CDK15: variants seen among roughly 807,000 people sequenced by gnomAD.
CDK15 encodes cyclin dependent kinase 15, also known as cyclin-dependent kinase 15.
CDK15 carries 62 observed loss-of-function variants against 60.3 expected under a neutral mutation model. The observed-to-expected ratio is 1.03, with a 90% CI of 0.84 to 1.27. The LOEUF (loss-of-function observed/expected upper bound fraction) is 1.27. Ranked by LOEUF, CDK15 falls within the 50% of genes most tolerant of loss-of-function variation. The pLI is 0.00. For missense variants in CDK15, 541 were observed against 527.8 expected (o/e 1.03, Z -0.25); for synonymous variants, 194 against 195.7 (o/e 0.99, Z 0.07).
Position 201,895,322 on chromosome 2 carries a change from A to T in CDK15, c.*2055A>T, listed in dbSNP as rs561691196. The T allele has an allele frequency of 6.6e-6, 1 of 152,346 alleles. No homozygotes were observed. Among genetic ancestry groups the T allele is most frequent in the East Asian group, 1.9e-4 (1 of 5,192 alleles). 9.4% of individuals were successfully genotyped at this position (152,346 alleles called of 1,614,324 possible). A position where few individuals can be genotyped will look rare whatever the true frequency, so the allele number is the denominator to read the frequency against. On this transcript the variant is annotated 3_prime_UTR_variant, in exon 14 of 14. Transcript: ENST00000652192. ...CAGGAATGAATAGACAAATTTTGTT[A>T]TTAAAAAATTGATTTTATTAAGTGG... is the stretch of plus-strand genomic sequence containing the variant.
intron 8 of CDK15, among the ~76,000 whole-genome samples, chr2:201,837,870 T>G (rs1697197836): frequency 6.6e-6 from 1 of 152,170 alleles, no homozygotes; most frequent in South Asian, 2.1e-4. Flanking sequence ...AGCTTTTAGA[T>G]CTCCCAAAGA....
intron 8 of CDK15, among the ~76,000 whole-genome samples, chr2:201,839,735 T>G (rs1356147432): frequency 6.6e-6 from 1 of 152,184 alleles, no homozygotes; most frequent in African/African-American, 2.4e-5. Context: ...ATATTGGCGA[T>G]GGATGAACCT....
At chr2:201,891,594 T>C (rs937986581) in intron 13 of CDK15, among the ~76,000 whole-genome samples, 1 of 152,066 alleles carries the variant, frequency 6.6e-6, no homozygotes, top group Non-Finnish European at 1.5e-5. Context: ...GAAGGGGTGC[T>C]GTGAAGGATT....
In CDK15 at chr2:201,806,770, A is replaced by T; in HGVS notation, c.106A>T (p.Thr36Ser). 1 of 1,598,510 alleles carries T rather than the reference A, an allele frequency of 6.3e-7. No individual in the cohort carries two copies. Among genetic ancestry groups the T allele is most frequent in the Middle Eastern group, 1.7e-4 (1 of 6,054 alleles). Residue 36 changes from threonine (T) to serine (S), a missense_variant, in exon 1 of 14, where the codon ACG becomes TCG. By Grantham distance (58) the Thr-to-Ser change is moderately conservative (BLOSUM62 1). Coordinates refer to ENST00000652192, the MANE Select transcript of CDK15 (RefSeq NM_001366386.2). ...CTGTCGGAGGAGTCAGCCTGAGACC[A>T]CGGAGGCTGCGTTCAAGGTATTTGT... ...HSCRRSQPET[T>S]EAAFKLTDLK... is the part of the protein sequence containing the mutation.
chr2:201,835,663 A>T lies in CDK15; in HGVS notation c.751A>T (p.Ile251Phe). Residue 251 changes from isoleucine to phenylalanine, a missense_variant, in exon 8 of 14, where the codon ATT (isoleucine) becomes TTT (phenylalanine). Ile to Phe is a conservative substitution (Grantham distance 21). Transcript: ENST00000652192. Reference protein sequence around the residue: ...ADFGLARAKSIPSQTYSSEVV... With the variant: ...ADFGLARAKSFPSQTYSSEVV... ...GACAGGTCTTGCCCGGGCCAAGTCC[A>T]TTCCCAGCCAGACATACTCTTCAGA... The T allele has an allele frequency of 6.2e-7, 1 of 1,609,308 alleles. No homozygotes were observed. Among genetic ancestry groups the T allele is most frequent in the Non-Finnish European group, 8.5e-7 (1 of 1,177,042 alleles).
At chr2:201,859,423 G>T (rs565549804) in intron 10 of CDK15, among the ~76,000 whole-genome samples, 1 of 152,246 alleles carries the variant, frequency 6.6e-6, no homozygotes, top group South Asian at 2.1e-4. Flanking sequence ...GAGCCACTCC[G>T]CTTTGAAGAC....
At position 201,807,501 on chromosome 2, in the gene CDK15, AC is replaced by A. The variant is rs1695563879; in HGVS notation, c.133del (p.Leu45Ter). On this transcript the variant is annotated frameshift_variant, in exon 2 of 14. Transcript: ENST00000652192. LOFTEE classifies it high-confidence loss of function. ...ETTEAAFKLTDLKEASCSMTS... is the reference protein window; with the variant it reads ...ETTEAAFKLTXLKEASCSMTS... ...TCTTTCTTTTTTCTCTAGCTAACAG[AC>A]CTAAAAGAAGCATCATGTTCCATGA... 1 of 1,613,910 alleles carries A rather than the reference AC, an allele frequency of 6.2e-7. No individual in the cohort carries two copies. The highest frequency in any genetic ancestry group is 8.5e-7 in the Non-Finnish European group (1 of 1,179,964).
Position 201,890,769 on chromosome 2 carries a change from C to G in CDK15, c.1199-16C>G. 1 of 1,577,008 alleles carries G rather than the reference C, an allele frequency of 6.3e-7. No homozygotes were observed. Among genetic ancestry groups the G allele is most frequent in the Non-Finnish European group, 8.7e-7 (1 of 1,152,336 alleles). On this transcript the variant is annotated splice_polypyrimidine_tract_variant and intron_variant, in intron 12 of 13. Transcript: ENST00000652192. ...GGAAATAACATATTGGTGCTTCTCT[C>G]TTTTCATTCCTACAGAGGAGTCTTT...
At chr2:201,853,763 C>T (rs72928863) in intron 9 of CDK15, among the ~76,000 whole-genome samples, 1,640 of 151,526 alleles carry the variant, frequency 0.011, 10 homozygotes, top group South Asian at 0.024. Flanking sequence ...TAATGCCTAC[C>T]GGGGAACTCA....
intron 6 of CDK15, among the ~76,000 whole-genome samples, chr2:201,826,823 T>C (rs906451019): frequency 2.6e-5 from 4 of 152,254 alleles, no homozygotes; most frequent in Non-Finnish European, 5.9e-5. Context: ...ACTGTACTTA[T>C]ATTTTTATGT....
intron 3 of CDK15, chr2:201,808,759 A>C (rs1695625610): frequency 6.6e-6 from 1 of 152,234 alleles, no homozygotes; most frequent in African/African-American, 2.4e-5. Flanking sequence ...CTCCACTCCC[A>C]CTGCTTCACT....
At chr2:201,860,308 C>A (rs1326914220) in intron 10 of CDK15, among the ~76,000 whole-genome samples, 1 of 152,142 alleles carries the variant, frequency 6.6e-6, no homozygotes, top group Non-Finnish European at 1.5e-5. Flanking sequence ...TACTGGGGGT[C>A]AAGGACAGGA....
intron 10 of CDK15, among the ~76,000 whole-genome samples, chr2:201,860,153 G>A (rs539383456): frequency 4.6e-5 from 7 of 152,340 alleles, no homozygotes; most frequent in Admixed American, 2.0e-4. Context: ...CGCTCACGCT[G>A]TGTGAGCTCA....
chr2:201,843,376 G>A (rs779023018), intron 8 of CDK15, among the ~76,000 whole-genome samples: 2 of 151,948 alleles, frequency 1.3e-5, no homozygotes, highest in Non-Finnish European at 2.9e-5. Flanking sequence ...TGGTAGAGAC[G>A]GGGTTTCACC....
At chr2:201,873,607 G>A (rs1046895200) in intron 11 of CDK15, among the ~76,000 whole-genome samples, 4 of 152,162 alleles carry the variant, frequency 2.6e-5, no homozygotes, top group Admixed American at 1.3e-4. Context: ...CCTTTCTTTC[G>A]AGGGCTGAGC....
intron 10 of CDK15, among the ~76,000 whole-genome samples, chr2:201,870,063 G>T (rs1484725770): frequency 6.6e-6 from 1 of 152,104 alleles, no homozygotes; most frequent in African/African-American, 2.4e-5. Flanking sequence ...ATTTGATTGC[G>T]CCTGACCTTG....
intron 12 of CDK15, among the ~76,000 whole-genome samples, chr2:201,890,055 A>AG (rs1338822598): frequency 7.0e-6 from 1 of 142,950 alleles, no homozygotes; most frequent in South Asian, 2.2e-4. Context: ...TCTCAAAAAA[A>AG]GAAAAAAAAA....
chr2:201,855,092 T>C (rs1195997435), intron 10 of CDK15, among the ~76,000 whole-genome samples, 155 bp downstream of exon 10: 1 of 152,230 alleles, frequency 6.6e-6, no homozygotes, highest in Non-Finnish European at 1.5e-5. Flanking sequence ...AATCTTTGTA[T>C]GAGGAAGACA....
intron 4 of CDK15, among the ~76,000 whole-genome samples, chr2:201,816,339 C>CCCAGTTAT (rs1231098598): frequency 6.6e-5 from 10 of 152,006 alleles, no homozygotes; most frequent in African/African-American, 2.4e-4. Flanking sequence ...TCCCAATACC[C>CCCAGTTAT]CCAGTTATTA....
Sources: gnomAD v4.1 joint callset for allele counts (sites outside exome capture counted in the v4.1 genomes callset) on GRCh38, gnomAD v4.1.1 for gene constraint, MANE v1.5 for transcripts, NCBI Gene and HGNC (gene_info 2026-07-23, HGNC 2026-07-21) for gene names.